Variants in GATAD2A observed in about 807,000 individuals in gnomAD.
The protein encoded by GATAD2A is transcriptional repressor p66-alpha.
GATAD2A carries 12 observed loss-of-function variants against 68.5 expected under a neutral mutation model. That is an observed-to-expected ratio of 0.18 (90% confidence interval 0.11 to 0.28). The LOEUF (loss-of-function observed/expected upper bound fraction) is 0.28. Among genes scored for constraint, GATAD2A ranks in the 10% least tolerant of loss-of-function variants. GATAD2A has a pLI of 1.00. For synonymous variants in GATAD2A, 410 were observed against 375.3 expected (o/e 1.09, Z -1.07); for missense variants, 755 against 868.5 (o/e 0.87, Z 1.64).
intron 2 of GATAD2A, among the ~76,000 whole-genome samples, chr19:19,488,704 G>A (rs544277844): frequency 6.6e-6 from 1 of 152,338 alleles, no homozygotes; most frequent in African/African-American, 2.4e-5. Context: ...GGGAGTGGGG[G>A]TGGTGCGTGT....
chr19:19,478,024 G>A (rs1332060056), intron 2 of GATAD2A, among the ~76,000 whole-genome samples: 1 of 152,170 alleles, frequency 6.6e-6, no homozygotes, highest in African/African-American at 2.4e-5. Flanking sequence ...TGATTAAATA[G>A]GTTTTATAAG....
intron 1 of GATAD2A, among the ~76,000 whole-genome samples, chr19:19,428,225 A>G (rs966514057): frequency 6.6e-4 from 101 of 152,332 alleles, no homozygotes; most frequent in African/African-American, 2.3e-3. Context: ...CTAAGGCCTC[A>G]GTGTCATCTG....
At chr19:19,503,648 G>A (rs940004932) in intron 11 of GATAD2A, among the ~76,000 whole-genome samples, 15 of 148,288 alleles carry the variant, frequency 1.0e-4, no homozygotes, top group African/African-American at 3.7e-4. Context: ...TGGAAGCTGT[G>A]TGTGTGTGTG....
chr19:19,496,515 T>TGAG (rs1200082167), intron 7 of GATAD2A, among the ~76,000 whole-genome samples: 6 of 152,184 alleles, frequency 3.9e-5, no homozygotes, highest in Admixed American at 3.3e-4. Flanking sequence ...GCCCCATGGC[T>TGAG]GAGGAAACAG....
chr19:19,503,474 G>A (rs1218878927), intron 11 of GATAD2A, among the ~76,000 whole-genome samples: 1 of 152,254 alleles, frequency 6.6e-6, no homozygotes, highest in East Asian at 1.9e-4. Flanking sequence ...ACAGTTGAGT[G>A]TGTTTGTCAT....
At chr19:19,402,835 G>T (rs899067502), upstream of GATAD2A, among the ~76,000 whole-genome samples, 16 of 145,342 alleles carry the variant, frequency 1.1e-4, no homozygotes, top group African/African-American at 3.3e-4. Flanking sequence ...GCGTAATAGC[G>T]CGATCTTGGC....
intron 2 of GATAD2A, among the ~76,000 whole-genome samples, chr19:19,475,237 C>A (rs187818991): frequency 6.6e-6 from 1 of 152,206 alleles, no homozygotes; most frequent in Non-Finnish European, 1.5e-5. Flanking sequence ...CAGCTGTCGA[C>A]GTGAGGGCTC....
chr19:19,402,761 G>T (rs111901094), upstream of GATAD2A, among the ~76,000 whole-genome samples: 4,455 of 98,114 alleles, frequency 0.045, 96 homozygotes, highest in East Asian at 0.16. Flanking sequence ...TTTTTTTTTT[G>T]TTTTTGTTTT....
At chr19:19,401,529 T>C (rs1045963442), upstream of GATAD2A, among the ~76,000 whole-genome samples, 1 of 152,098 alleles carries the variant, frequency 6.6e-6, no homozygotes, top group Non-Finnish European at 1.5e-5. Flanking sequence ...TCAGTCTTTC[T>C]TATGAATACA....
At chr19:19,499,578 C>G (rs966298307) in intron 8 of GATAD2A, among the ~76,000 whole-genome samples, 1 of 152,140 alleles carries the variant, frequency 6.6e-6, no homozygotes, top group South Asian at 2.1e-4. Flanking sequence ...GGGGCCAGGT[C>G]GAGCTGTGCC....
intron 2 of GATAD2A, among the ~76,000 whole-genome samples, chr19:19,491,324 C>G (rs2059776750): frequency 6.6e-6 from 1 of 152,190 alleles, no homozygotes; most frequent in African/African-American, 2.4e-5. Context: ...TGCTTCCCAA[C>G]TGGTAGTGAG....
intron 1 of GATAD2A, among the ~76,000 whole-genome samples, chr19:19,412,090 T>TC (rs1568709821): frequency 2.0e-5 from 3 of 149,020 alleles, no homozygotes; most frequent in African/African-American, 7.4e-5. Context: ...CTCTCTCTCT[T>TC]TTTTTTTTGG....
chr19:19,492,676 G>A lies in GATAD2A; in HGVS notation c.498G>A (p.Arg166=), dbSNP rs1297074455. The A allele has an allele frequency of 6.2e-7, 1 of 1,614,158 alleles. No homozygotes were observed. The highest frequency in any genetic ancestry group is 8.5e-7 in the Non-Finnish European group (1 of 1,180,020). Residue 166 remains arginine (R), a synonymous_variant, in exon 4 of 12, where the codon CGG becomes CGA. Coordinates refer to ENST00000683918, the MANE Select transcript of GATAD2A (RefSeq NM_001384528.1). ...AACTCGTGTTGTTGAAAAAGTTGCGGCAGAGTCAAATACAAAAGGAAGCCA... is the reference window on the plus strand; with the variant it reads ...AACTCGTGTTGTTGAAAAAGTTGCGACAGAGTCAAATACAAAAGGAAGCCA... ...EAKLVLLKKL[R]QSQIQKEATA...
chr19:19,495,759 T>C lies in GATAD2A; in HGVS notation c.630T>C (p.Ser210=). 8 of 1,610,218 alleles carry C rather than the reference T, an allele frequency of 5.0e-6. No homozygotes were observed. The highest frequency in any genetic ancestry group is 6.8e-6 in the Non-Finnish European group (8 of 1,177,068). Residue 210 remains serine, a synonymous_variant, in exon 6 of 12, where the codon TCT becomes TCC. Coordinates refer to ENST00000683918, the MANE Select transcript of GATAD2A (RefSeq NM_001384528.1). Reference sequence around the variant, plus strand: ...GGTCTTGGTATCGTTGGCAGACCTCTTCAGCTCGGATGCCCGGCAGTGTCA... The same window carrying C: ...GGTCTTGGTATCGTTGGCAGACCTCCTCAGCTCGGATGCCCGGCAGTGTCA... ...IPAGKPSLQT[S]SARMPGSVIP...
chr19:19,461,562 C>T (rs530750852), intron 1 of GATAD2A, among the ~76,000 whole-genome samples: 78 of 152,330 alleles, frequency 5.1e-4, no homozygotes, highest in African/African-American at 1.9e-3. Flanking sequence ...TCCTATCTGC[C>T]CTAAAGCCCA....
intron 2 of GATAD2A, among the ~76,000 whole-genome samples, chr19:19,483,282 A>G (rs946373764): frequency 3.9e-4 from 59 of 152,224 alleles, no homozygotes; most frequent in Non-Finnish European, 4.9e-4. Flanking sequence ...TGCTCACCAT[A>G]ATGGATTCCC....
At chr19:19,443,582 T>C (rs544249268) in intron 1 of GATAD2A, among the ~76,000 whole-genome samples, 10 of 152,140 alleles carry the variant, frequency 6.6e-5, no homozygotes, top group African/African-American at 2.2e-4. Context: ...TCGTGGAAGC[T>C]AGTGGGAGAG....
Position 19,405,959 on chromosome 19 carries a change from C to T in GATAD2A, c.-67C>T, listed in dbSNP as rs1204288015. On this transcript the variant is annotated 5_prime_UTR_variant, in exon 1 of 12. Coordinates refer to ENST00000683918, the MANE Select transcript of GATAD2A (RefSeq NM_001384528.1). ...TCCGCCGCCCGGCCCCGCGGGCGAC[C>T]CCGGACCAGCAGCCCCCGTAACCTG... The T allele has an allele frequency of 1.3e-5, 2 of 149,366 alleles. No individual in the cohort carries two copies. The highest frequency in any genetic ancestry group is 3.0e-5 in the Non-Finnish European group (2 of 67,174). 9.3% of individuals were successfully genotyped at this position (149,366 alleles called of 1,614,324 possible). A position where few individuals can be genotyped will look rare whatever the true frequency, so the allele number is the denominator to read the frequency against.
In GATAD2A at chr19:19,505,515, C is replaced by G. The variant is rs374131882; in HGVS notation, c.*41C>G. ...GTGGAAGACGGGCTCCCTCCTCCCC[C>G]ACCTGGCCCCTGGTCTAGAAGGACC... is the stretch of plus-strand genomic sequence containing the variant. On this transcript the variant is annotated 3_prime_UTR_variant, in exon 12 of 12. Transcript: ENST00000683918. 4.6e-6 allele frequency: 7 copies of G among 1,534,226 alleles called. No homozygotes were observed. The highest frequency in any genetic ancestry group is 4.2e-5 in the African/African-American group (3 of 71,730).
Sources: allele counts gnomAD v4.1 joint callset (sites outside exome capture counted in the v4.1 genomes callset), GRCh38; gene constraint gnomAD v4.1.1; transcripts MANE v1.5; gene names NCBI Gene and HGNC (gene_info 2026-07-23, HGNC 2026-07-21).